RASGRF2: variants seen among roughly 807,000 people sequenced by gnomAD.
The protein encoded by RASGRF2 is Ras protein specific guanine nucleotide releasing factor 2, also known as ras-specific guanine nucleotide-releasing factor 2.
Under a neutral mutation model 151.0 loss-of-function variants are expected in RASGRF2, and 76 were observed. The ratio of observed to expected loss-of-function variants is 0.50; its 90% confidence interval spans 0.42 to 0.61. RASGRF2 has a LOEUF of 0.61. Among genes scored for constraint, RASGRF2 ranks in the 20% least tolerant of loss-of-function variants. RASGRF2 has a pLI of 0.00. For missense variants in RASGRF2, 1,148 were observed against 1,564.6 expected (o/e 0.73, Z 4.49); for synonymous variants, 504 against 566.5 (o/e 0.89, Z 1.57).
At chr5:81,189,464 GT>G (rs201743398) in intron 18 of RASGRF2, among the ~76,000 whole-genome samples, 1 of 150,610 alleles carries the variant, frequency 6.6e-6, no homozygotes, top group Non-Finnish European at 1.5e-5. Context: ...GGTGTTTTAT[GT>G]TTTTTTTGTT....
chr5:81,065,394 A>G (rs530186002), intron 2 of RASGRF2, among the ~76,000 whole-genome samples: 2 of 152,228 alleles, frequency 1.3e-5, no homozygotes, highest in African/African-American at 4.8e-5. Flanking sequence ...CCTTGTGTCC[A>G]CGGTGAATGT....
chr5:81,081,075 C>G (rs575001726), intron 7 of RASGRF2, among the ~76,000 whole-genome samples: 8 of 152,306 alleles, frequency 5.3e-5, no homozygotes, highest in Non-Finnish European at 2.9e-5. Context: ...TCCACACAGA[C>G]CTCTTTCATG....
chr5:81,049,078 C>G (rs1750927217), intron 2 of RASGRF2, among the ~76,000 whole-genome samples: 1 of 147,308 alleles, frequency 6.8e-6, no homozygotes, highest in Middle Eastern at 3.4e-3. Flanking sequence ...CAAAGCTTTT[C>G]TTTCCTTATA....
chr5:81,070,716 G>A (rs1183268786), intron 4 of RASGRF2, 135 bp downstream of exon 4: 8 of 672,620 alleles, frequency 1.2e-5, no homozygotes, highest in Non-Finnish European at 2.0e-5. Context: ...GACTTGCCCT[G>A]CAGAGTGATC....
At chr5:81,217,231 T>C in intron 24 of RASGRF2, 125 bp from the exon 25 acceptor site, 1 of 1,393,408 alleles carries the variant, frequency 7.2e-7, no homozygotes, top group East Asian at 2.4e-5. Context: ...CTTCTGAAAC[T>C]GAAATAAAAA....
intron 12 of RASGRF2, among the ~76,000 whole-genome samples, chr5:81,097,496 G>T (rs967828472): frequency 3.9e-5 from 6 of 152,172 alleles, no homozygotes; most frequent in Non-Finnish European, 7.3e-5. Context: ...AATGATAAGG[G>T]TAATAACTAA....
At chr5:81,198,134 T>C (rs1755308667) in intron 18 of RASGRF2, among the ~76,000 whole-genome samples, 1 of 151,580 alleles carries the variant, frequency 6.6e-6, no homozygotes, top group Non-Finnish European at 1.5e-5. Flanking sequence ...TTTTTTTTAA[T>C]TGCATTTTTA....
chr5:81,100,715 T>A (rs889025912), intron 12 of RASGRF2, among the ~76,000 whole-genome samples: 29 of 152,350 alleles, frequency 1.9e-4, no homozygotes, highest in African/African-American at 6.5e-4. Flanking sequence ...TCTGAGCTTC[T>A]TGGTTTGGAT....
At chr5:80,975,618 CA>C (rs954666586) in intron 1 of RASGRF2, among the ~76,000 whole-genome samples, 2 of 151,878 alleles carry the variant, frequency 1.3e-5, no homozygotes, top group Admixed American at 1.3e-4. Flanking sequence ...TACATTTGAA[CA>C]AAAGAAAAGA....
chr5:81,105,807 C>G (rs748432456), intron 12 of RASGRF2, among the ~76,000 whole-genome samples: 1 of 152,166 alleles, frequency 6.6e-6, no homozygotes, highest in Non-Finnish European at 1.5e-5. Flanking sequence ...TACCCCACCC[C>G]CTGACCCCGC....
intron 17 of RASGRF2, among the ~76,000 whole-genome samples, chr5:81,131,817 G>C (rs1313994632): frequency 6.6e-6 from 1 of 152,118 alleles, no homozygotes; most frequent in Non-Finnish European, 1.5e-5. Context: ...CAAAACTCGA[G>C]ATTCGGATTT....
At chr5:81,013,021 T>C (rs1023371698) in intron 1 of RASGRF2, among the ~76,000 whole-genome samples, 13 of 152,104 alleles carry the variant, frequency 8.5e-5, no homozygotes, top group African/African-American at 2.9e-4. Context: ...AGCATATGAA[T>C]GGACATATAG....
At chr5:81,195,218 C>T (rs1187442373) in intron 18 of RASGRF2, among the ~76,000 whole-genome samples, 1 of 152,210 alleles carries the variant, frequency 6.6e-6, no homozygotes, top group Non-Finnish European at 1.5e-5. Flanking sequence ...CCAATGCTGA[C>T]CCGGGAGCGC....
At chr5:80,997,987 A>T (rs56276176) in intron 1 of RASGRF2, 62,461 of 149,622 alleles carry the variant, frequency 0.42, 13,888 homozygotes, top group Middle Eastern at 0.6. Flanking sequence ...AAAAAAAAAA[A>T]TTAAAGTTGT....
chr5:81,165,440 C>T (rs1754483488), intron 17 of RASGRF2, among the ~76,000 whole-genome samples: 1 of 152,168 alleles, frequency 6.6e-6, no homozygotes, highest in Non-Finnish European at 1.5e-5. Context: ...ATAAATGTAA[C>T]CCAATGTTCC....
intron 14 of RASGRF2, among the ~76,000 whole-genome samples, chr5:81,113,200 C>T (rs370844913): frequency 4.0e-5 from 6 of 150,936 alleles, no homozygotes; most frequent in Admixed American, 1.3e-4. Context: ...GAATCAGTTG[C>T]GTGTGGTGTG....
intron 19 of RASGRF2, among the ~76,000 whole-genome samples, chr5:81,202,185 A>T (rs1317736996): frequency 1.3e-5 from 2 of 152,094 alleles, no homozygotes; most frequent in Non-Finnish European, 2.9e-5. Context: ...CAGACATTTC[A>T]GTTGCAGCTT....
At chr5:81,024,788 A>G (rs1309618941) in intron 1 of RASGRF2, among the ~76,000 whole-genome samples, 1 of 152,198 alleles carries the variant, frequency 6.6e-6, no homozygotes, top group Non-Finnish European at 1.5e-5. Flanking sequence ...GTAATACAAT[A>G]AAAAGTTCTC....
intron 17 of RASGRF2, among the ~76,000 whole-genome samples, chr5:81,146,435 C>T (rs771694489): frequency 6.6e-6 from 1 of 152,072 alleles, no homozygotes; most frequent in African/African-American, 2.4e-5. Flanking sequence ...TTTGAGGTCC[C>T]TTACAGACAT....
Sources: allele counts gnomAD v4.1 joint callset (sites outside exome capture counted in the v4.1 genomes callset), GRCh38; gene constraint gnomAD v4.1.1; transcripts MANE v1.5; gene names NCBI Gene and HGNC (gene_info 2026-07-23, HGNC 2026-07-21).